CTBP2: variants seen among roughly 807,000 people sequenced by gnomAD.
CTBP2 encodes the protein C-terminal binding protein 2, also known as C-terminal-binding protein 2.
Under a neutral mutation model 80.3 loss-of-function variants are expected in CTBP2, and 30 were observed. The ratio of observed to expected loss-of-function variants is 0.37; its 90% confidence interval spans 0.28 to 0.51. The LOEUF is 0.51. Among genes scored for constraint, CTBP2 ranks in the 20% least tolerant of loss-of-function variants. CTBP2 has a pLI of 0.93. For synonymous variants in CTBP2, 594 were observed against 587.4 expected, an observed-to-expected ratio of 1.01 and a Z score of -0.16; for missense variants, 1,212 against 1,375.3, an observed-to-expected ratio of 0.88 and a Z score of 1.88.
chr10:125,115,169 G>C (rs1853021021), intron 1 of CTBP2, among the ~76,000 whole-genome samples: 1 of 133,150 alleles, frequency 7.5e-6, no homozygotes. Context: ...CTCAGCGTGG[G>C]CATATATTAG....
chr10:125,035,081 G>A (rs776158111), intron 3 of CTBP2, among the ~76,000 whole-genome samples: 5 of 152,098 alleles, frequency 3.3e-5, no homozygotes, highest in South Asian at 2.1e-4. Context: ...AGAAGAGCCC[G>A]CGACACAGAA....
At chr10:125,011,153 T>C (rs1013572309) in intron 1 of CTBP2, among the ~76,000 whole-genome samples, 1 of 152,336 alleles carries the variant, frequency 6.6e-6, no homozygotes, top group African/African-American at 2.4e-5. Flanking sequence ...CCACACCAAG[T>C]GGGCTCCCCA....
chr10:125,142,412 T>G lies in CTBP2; in HGVS notation c.-206+17907A>C, dbSNP rs115564900. Among the ~76,000 whole-genome samples the G allele has an allele frequency of 6.3e-3, 966 of 152,236 alleles. 14 individuals carry two copies. Among genetic ancestry groups the G allele is most frequent in the African/African-American group, 0.022 (907 of 41,540 alleles). On this transcript the variant is annotated intron_variant, in intron 1 of 10. Transcript: ENST00000337195. ...CAGCATCTACCAAACTCCTCGCACT[T>G]CCTAGGCTGGCCCTTCTACTATCAA...
At chr10:125,013,708 G>T (rs1956172160) in intron 1 of CTBP2, among the ~76,000 whole-genome samples, 1 of 152,150 alleles carries the variant, frequency 6.6e-6, no homozygotes, top group Admixed American at 6.5e-5. Flanking sequence ...CTTGCCCGGG[G>T]TCACACAGCA....
At chr10:125,098,681 AGAGAGAGAGAGAGAGAGAG>A (rs1850004364) in intron 2 of CTBP2, among the ~76,000 whole-genome samples, 38 of 134,578 alleles carry the variant, frequency 2.8e-4, no homozygotes, top group African/African-American at 1.1e-3. Context: ...AGAGAGAGAG[AGAGAGAGAGAGAGAGAGAG>A]AGAGAGACAG....
chr10:125,114,680 C>T (rs1852905991), intron 1 of CTBP2, among the ~76,000 whole-genome samples: 2 of 152,206 alleles, frequency 1.3e-5, no homozygotes, highest in Admixed American at 1.3e-4. Flanking sequence ...ATGGGGGCGT[C>T]TGAGAAACTC....
At chr10:125,155,614 A>G (rs1011782724) in intron 1 of CTBP2, among the ~76,000 whole-genome samples, 2 of 152,132 alleles carry the variant, frequency 1.3e-5, no homozygotes, top group Admixed American at 1.3e-4. Flanking sequence ...AGGGCCACTG[A>G]ACACCTTTAA....
intron 3 of CTBP2, among the ~76,000 whole-genome samples, chr10:125,037,677 G>T (rs541127045): frequency 1.3e-5 from 2 of 152,196 alleles, no homozygotes; most frequent in Non-Finnish European, 1.5e-5. Flanking sequence ...GCAAAGAGAC[G>T]TGGAGGAAAT....
intron 2 of CTBP2, among the ~76,000 whole-genome samples, chr10:125,043,900 C>T (rs757248656): frequency 3.3e-5 from 5 of 152,198 alleles, no homozygotes; most frequent in Non-Finnish European, 5.9e-5. Context: ...TCAAGGAAAT[C>T]TATTTAAACA....
In CTBP2 at chr10:124,984,454, C is replaced by T; in HGVS notation, c.*5064G>A. On this transcript the variant is annotated 3_prime_UTR_variant, in exon 9 of 9. Coordinates refer to ENST00000309035, the MANE Select transcript of CTBP2 (RefSeq NM_022802.3). ...TACATAATTGACTAAGTAAACTTACCTTGTCATGTGTTTGAAGCTGTGGCT... is the reference window on the plus strand; with the variant it reads ...TACATAATTGACTAAGTAAACTTACTTTGTCATGTGTTTGAAGCTGTGGCT... 1 of 263,598 alleles carries T rather than the reference C, an allele frequency of 3.8e-6. No homozygotes were observed. The highest frequency in any genetic ancestry group is 1.1e-4 in the South Asian group (1 of 8,904). The allele number at this position is 263,598 out of a possible 1,614,324, so 16.3% of individuals were successfully genotyped here. A position where few individuals can be genotyped will look rare whatever the true frequency, so the allele number is the denominator to read the frequency against.
chr10:124,994,894 G>A (rs1317481538), intron 4 of CTBP2, among the ~76,000 whole-genome samples: 1 of 152,242 alleles, frequency 6.6e-6, no homozygotes, highest in Admixed American at 6.5e-5. Context: ...GGACCGCAGT[G>A]CTTGCTGCTT....
intron 1 of CTBP2, among the ~76,000 whole-genome samples, chr10:125,022,390 C>A (rs1333718351): frequency 1.3e-5 from 2 of 152,252 alleles, no homozygotes; most frequent in African/African-American, 2.4e-5. Context: ...GTCTTGCCCA[C>A]CTGGGAGCCC....
intron 2 of CTBP2, among the ~76,000 whole-genome samples, chr10:125,056,998 C>T (rs1201569096): frequency 2.0e-5 from 3 of 152,238 alleles, no homozygotes; most frequent in Non-Finnish European, 2.9e-5. Flanking sequence ...CCTCTGTCCC[C>T]GGGGTACACA....
At chr10:125,018,549 CAACCAACAAACA>C (rs1386900155) in intron 1 of CTBP2, among the ~76,000 whole-genome samples, 8 of 118,156 alleles carry the variant, frequency 6.8e-5, no homozygotes, top group African/African-American at 2.9e-4. Context: ...CAAACCAAAC[CAACCAACAAACA>C]AACAAACAAA....
At chr10:125,123,627 T>C (rs935198466) in intron 1 of CTBP2, among the ~76,000 whole-genome samples, 2 of 152,242 alleles carry the variant, frequency 1.3e-5, no homozygotes, top group Non-Finnish European at 2.9e-5. Flanking sequence ...CATGAGGAGC[T>C]GGCCCTGTTG....
intron 1 of CTBP2, among the ~76,000 whole-genome samples, chr10:125,113,553 C>A (rs960543256): frequency 1.3e-5 from 2 of 152,130 alleles, no homozygotes; most frequent in African/African-American, 4.8e-5. Context: ...ACAGAATTTC[C>A]AAAAATATAA....
upstream of CTBP2, among the ~76,000 whole-genome samples, chr10:125,030,351 G>A (rs530099205): frequency 8.0e-4 from 121 of 152,184 alleles, 1 homozygote; most frequent in Non-Finnish European, 1.5e-3. Context: ...CTGTGTCGGG[G>A]AGAGAGGCGA....
chr10:125,021,867 C>A (rs1372157450), intron 1 of CTBP2, among the ~76,000 whole-genome samples: 1 of 152,228 alleles, frequency 6.6e-6, no homozygotes, highest in Non-Finnish European at 1.5e-5. Flanking sequence ...AAAGGCTGAG[C>A]TGTCAGCACC....
At chr10:125,135,503 C>T (rs940997395) in intron 1 of CTBP2, among the ~76,000 whole-genome samples, 6 of 151,762 alleles carry the variant, frequency 4.0e-5, no homozygotes, top group African/African-American at 1.4e-4. Context: ...GGTCCATAGT[C>T]TGAGTCAAGC....
Sources: gnomAD v4.1 joint callset for allele counts (sites outside exome capture counted in the v4.1 genomes callset) on GRCh38, gnomAD v4.1.1 for gene constraint, MANE v1.5 for transcripts, NCBI Gene and HGNC (gene_info 2026-07-23, HGNC 2026-07-21) for gene names.